ANKRD30BL: variants seen among roughly 807,000 people sequenced by gnomAD.
ANKRD30BL encodes the protein ankyrin repeat domain 30B like.
Under a neutral mutation model 18.4 loss-of-function variants are expected in ANKRD30BL, and 20 were observed. That is an observed-to-expected ratio of 1.09 (90% CI 0.77 to 1.58). The LOEUF (loss-of-function observed/expected upper bound fraction) is 1.58. Among genes scored for constraint, ANKRD30BL ranks in the 40% most tolerant of loss-of-function variants. ANKRD30BL has a pLI of 0.00. For synonymous variants in ANKRD30BL, 72 were observed against 100.9 expected, an observed-to-expected ratio of 0.71 and a Z score of 1.72; for missense variants, 224 against 268.6, an observed-to-expected ratio of 0.83 and a Z score of 1.16.
chr2:132,188,761 A>G (rs1678777589), intron 1 of ANKRD30BL, among the ~76,000 whole-genome samples: 1 of 152,142 alleles, frequency 6.6e-6, no homozygotes, highest in South Asian at 2.1e-4. Context: ...GCTTATTATA[A>G]TAAATAACTA....
intron 1 of ANKRD30BL, among the ~76,000 whole-genome samples, chr2:132,216,254 G>T (rs1049065826): frequency 1.3e-5 from 2 of 151,852 alleles, no homozygotes; most frequent in African/African-American, 4.8e-5. Context: ...TCAGGGAATT[G>T]AAACTTACTT....
chr2:132,198,300 CTTTCTTTCTTTCTTTCTTTCTTTCTTT>C (rs1679011118), intron 1 of ANKRD30BL, among the ~76,000 whole-genome samples: 4 of 11,446 alleles, frequency 3.5e-4, no homozygotes, highest in Non-Finnish European at 5.0e-4. Flanking sequence ...TTCTTTCTTT[CTTTCTTTCTTTCTTTCTTTCTTTCTTT>C]TTTTTTTTTT....
chr2:132,179,304 TTG>T (rs1688418455), intron 1 of ANKRD30BL, among the ~76,000 whole-genome samples: 1 of 151,582 alleles, frequency 6.6e-6, no homozygotes, highest in African/African-American at 2.4e-5. Context: ...TTTTTTTTTT[TTG>T]AGATGGAGTC....
chr2:132,241,661 GT>G (rs1558736000), intron 1 of ANKRD30BL, among the ~76,000 whole-genome samples: 1 of 151,012 alleles, frequency 6.6e-6, no homozygotes, highest in Non-Finnish European at 1.5e-5. Flanking sequence ...TAGCTTTGTG[GT>G]TTTGTTGGAA....
chr2:132,247,027 T>C (rs372270857), intron 1 of ANKRD30BL, among the ~76,000 whole-genome samples: 1 of 151,846 alleles, frequency 6.6e-6, no homozygotes, highest in South Asian at 2.1e-4. Flanking sequence ...TTTGTGATGT[T>C]TGCATTCATC....
At position 132,195,769 on chromosome 2, in the gene ANKRD30BL, C is replaced by T. The variant is rs375818989; in HGVS notation, n.442-38623G>A. On this transcript the variant is annotated intron_variant and non_coding_transcript_variant, in intron 1 of 4. Coordinates refer to the ANKRD30BL transcript ENST00000470729. ...TGGCATCACTGTACTCCAACCTGGGCAACAGAGTGAGCCTCTGCCAAAAAA... is the reference window on the plus strand; with the variant it reads ...TGGCATCACTGTACTCCAACCTGGGTAACAGAGTGAGCCTCTGCCAAAAAA... Among the ~76,000 whole-genome samples the T allele has an allele frequency of 5.8e-3, 690 of 119,450 alleles. 6 individuals carry two copies. The highest frequency in any genetic ancestry group is 0.035 in the Middle Eastern group (5 of 144). 78.4% of individuals were successfully genotyped at this position (119,450 alleles called of 152,430 possible).
At chr2:132,170,919 G>GC (rs1558918632) in intron 1 of ANKRD30BL, among the ~76,000 whole-genome samples, 2 of 152,206 alleles carry the variant, frequency 1.3e-5, no homozygotes, top group East Asian at 3.9e-4. Flanking sequence ...CACTTTGGGA[G>GC]GCCGAGGCGG....
chr2:132,189,032 G>A (rs1288799959), intron 1 of ANKRD30BL, among the ~76,000 whole-genome samples: 1 of 152,034 alleles, frequency 6.6e-6, no homozygotes, highest in Non-Finnish European at 1.5e-5. Flanking sequence ...CCAGTCACAG[G>A]TTATACCAAT....
In ANKRD30BL at chr2:132,160,676, C is replaced by T. The variant is rs548259229; in HGVS notation, c.218+812G>A. ...ATCTCCTGACCTCATGATCCACCCA[C>T]CTCGGCCTCCCAAAGTGCTGGGATT... On this transcript the variant is annotated intron_variant, in intron 1 of 5. Transcript: ENST00000409867. 9.9e-5 allele frequency among the ~76,000 whole-genome samples: 15 copies of T among 152,048 alleles called. No homozygotes were observed. The East Asian group carries it at 2.9e-3, about 30-fold the overall frequency.
intron 1 of ANKRD30BL, among the ~76,000 whole-genome samples, chr2:132,232,824 A>G (rs1644815481): frequency 6.6e-6 from 1 of 152,028 alleles, no homozygotes; most frequent in Non-Finnish European, 1.5e-5. Flanking sequence ...AGATTCAGGA[A>G]ATACAGAGAA....
intron 1 of ANKRD30BL, among the ~76,000 whole-genome samples, chr2:132,232,835 T>C (rs573303272): frequency 3.3e-5 from 5 of 151,906 alleles, no homozygotes; most frequent in Non-Finnish European, 5.9e-5. Context: ...ATACAGAGAA[T>C]GCCACAAAGA....
intron 1 of ANKRD30BL, among the ~76,000 whole-genome samples, chr2:132,247,653 T>A (rs1023765536): frequency 6.6e-6 from 1 of 151,844 alleles, no homozygotes; most frequent in Non-Finnish European, 1.5e-5. Flanking sequence ...ACAAAAAGAC[T>A]GTTTCCAATC....
chr2:132,230,697 C>G (rs1313764274), intron 1 of ANKRD30BL, among the ~76,000 whole-genome samples: 1 of 151,864 alleles, frequency 6.6e-6, no homozygotes, highest in African/African-American at 2.4e-5. Context: ...GTGATTTGTG[C>G]ATTAAACTCA....
intron 1 of ANKRD30BL, among the ~76,000 whole-genome samples, chr2:132,180,058 T>C (rs971723648): frequency 1.2e-4 from 18 of 152,130 alleles, no homozygotes; most frequent in Admixed American, 3.9e-4. Context: ...AATTTAAAAA[T>C]AAATTTGGCA....
intron 1 of ANKRD30BL, among the ~76,000 whole-genome samples, chr2:132,233,597 A>G (rs1680078335): frequency 6.6e-6 from 1 of 151,200 alleles, no homozygotes; most frequent in South Asian, 2.1e-4. Flanking sequence ...GAAGGCCATT[A>G]CATAATGGTA....
chr2:132,198,389 T>C lies in ANKRD30BL; in HGVS notation n.442-41243A>G, dbSNP rs1254239893. On this transcript the variant is annotated intron_variant and non_coding_transcript_variant, in intron 1 of 4. Coordinates refer to the ANKRD30BL transcript ENST00000470729. ...CCCAGGCTGGAGTGAAGTGGAGCGA[T>C]CTCGGCTCACTGCAAGCTCTGCCTC... Among the ~76,000 whole-genome samples the C allele has an allele frequency of 3.5e-5, 5 of 144,038 alleles. 1 individual carries two copies. The South Asian group carries it at 9.5e-4, about 27-fold the overall frequency. 94.5% of individuals were successfully genotyped at this position (144,038 alleles called of 152,430 possible). A position where few individuals can be genotyped will look rare whatever the true frequency, so the allele number is the denominator to read the frequency against.
chr2:132,155,247 A>T (rs186275955), intron 3 of ANKRD30BL: 1 of 152,282 alleles, frequency 6.6e-6, no homozygotes, highest in Non-Finnish European at 1.5e-5. Flanking sequence ...AAAACTGTGA[A>T]TTAAATATTC....
At chr2:132,219,527 T>A (rs1300271381) in intron 1 of ANKRD30BL, among the ~76,000 whole-genome samples, 1 of 151,002 alleles carries the variant, frequency 6.6e-6, no homozygotes, top group Admixed American at 6.6e-5. Context: ...AAACATCTTG[T>A]GATGTTTGCC....
chr2:132,231,732 C>T (rs1282237077), intron 1 of ANKRD30BL, among the ~76,000 whole-genome samples: 1 of 152,136 alleles, frequency 6.6e-6, no homozygotes, highest in African/African-American at 2.4e-5. Flanking sequence ...AGTCTGAGAT[C>T]AAACTGCAAG....
Sources: gnomAD v4.1 joint callset for allele counts (sites outside exome capture counted in the v4.1 genomes callset) on GRCh38, gnomAD v4.1.1 for gene constraint, MANE v1.5 for transcripts, NCBI Gene and HGNC (gene_info 2026-07-23, HGNC 2026-07-21) for gene names.